Variants in ILDR2 observed in about 807,000 individuals in gnomAD.
ILDR2 encodes the protein immunoglobulin like domain containing receptor 2.
Under a neutral mutation model 66.8 loss-of-function variants are expected in ILDR2, and 25 were observed. The ratio of observed to expected loss-of-function variants is 0.37; its 90% CI spans 0.27 to 0.52. The LOEUF (loss-of-function observed/expected upper bound fraction) is 0.52. Ranked by LOEUF, ILDR2 falls within the 20% of genes least tolerant of loss-of-function variation. The probability of loss-of-function intolerance (pLI) is 0.88; values close to 1 mark genes in which losing one functional copy is unlikely to be tolerated. For missense variants in ILDR2, 827 were observed against 876.8 expected (o/e 0.94, Z 0.72); for synonymous variants, 367 against 357.2 (o/e 1.03, Z -0.31).
rs767247613 is a variant in ILDR2, at chr1:166,921,247, A to G, written c.1344T>C (p.Ser448=). ...GQRPRRADGN[S]HEARGGSRFE... ...AGCGGCTCCCGCCCCGCGCCTCGTG[A>G]CTGTTGCCGTCTGCCCGGCGGGGCC... Residue 448 remains serine (S), a synonymous_variant, in exon 9 of 10, where the codon AGT becomes AGC. Transcript: ENST00000271417. This position sits in a 1 kb window ranked among gnomAD's most constrained non-coding sequence, Gnocchi z 5.3. 1.4e-5 allele frequency: 23 copies of G among 1,598,218 alleles called. No individual in the cohort carries two copies. Among genetic ancestry groups the G allele is most frequent in the Non-Finnish European group, 8.5e-7 (1 of 1,176,410 alleles).
intron 7 of ILDR2, among the ~76,000 whole-genome samples, chr1:166,924,118 G>A (rs902278611): frequency 6.6e-6 from 1 of 152,112 alleles, no homozygotes; most frequent in African/African-American, 2.4e-5. Context: ...CGTTTACCAC[G>A]AATGCCATTC....
rs757595043 is a variant in ILDR2 at position 166,922,716 on chromosome 1, A to C, written c.1088T>G (p.Val363Gly). 1 of 1,614,228 alleles carries C rather than the reference A, an allele frequency of 6.2e-7. No homozygotes were observed. Among genetic ancestry groups the C allele is most frequent in the Admixed American group, 1.7e-5 (1 of 60,028 alleles). The change falls in exon 8 of 10, where the codon GTG becomes GGG. Residue 363 changes from valine to glycine, a missense_variant. Val to Gly is a moderately radical substitution (Grantham distance 109, BLOSUM62 -3). Around this residue, in one of 2 missense-constraint regions of ILDR2, gnomAD observed 437 missense variants for 523.2 expected, o/e 0.84. Coordinates refer to ENST00000271417, the MANE Select transcript of ILDR2 (RefSeq NM_199351.3). ...FHQMRSKQFP[V>G]SGDLESNPDY... ...AGGATTGCTCTCCAAGTCCCCAGAC[A>C]CAGGGAACTGCTTGCTTCTCATCTG...
intron 6 of ILDR2, among the ~76,000 whole-genome samples, chr1:166,929,141 G>A (rs1186443122): frequency 6.6e-6 from 1 of 152,136 alleles, no homozygotes; most frequent in Non-Finnish European, 1.5e-5. Flanking sequence ...TCAAAGAAAT[G>A]GTGACCTATG....
chr1:166,966,255 C>T, intron 1 of ILDR2, among the ~76,000 whole-genome samples: 1 of 152,220 alleles, frequency 6.6e-6, no homozygotes, highest in South Asian at 2.1e-4. Flanking sequence ...TAATCAACTT[C>T]TTTCCAATAA....
In ILDR2 at chr1:166,913,292, A is replaced by C. The variant is rs1557922840; in HGVS notation, c.*6063T>G. The C allele has an allele frequency of 6.6e-6, 1 of 152,222 alleles. No individual in the cohort carries two copies. Among genetic ancestry groups the C allele is most frequent in the Non-Finnish European group, 1.5e-5 (1 of 68,042 alleles). The allele number at this position is 152,222 out of a possible 1,614,324, so 9.4% of individuals were successfully genotyped here. ...ACAGAAAAAAAAAGTCATGGACAAC[A>C]GTAATACAAACATTTCAGTTTTGAT... On this transcript the variant is annotated 3_prime_UTR_variant, in exon 10 of 10. Coordinates refer to ENST00000271417, the MANE Select transcript of ILDR2 (RefSeq NM_199351.3).
chr1:166,966,394 G>A (rs910844131), intron 1 of ILDR2, among the ~76,000 whole-genome samples: 1 of 152,154 alleles, frequency 6.6e-6, no homozygotes, highest in Non-Finnish European at 1.5e-5. Context: ...ACATGATAGT[G>A]TTTTCGTATG....
intron 3 of ILDR2, among the ~76,000 whole-genome samples, chr1:166,945,159 A>G (rs746948964): frequency 2.6e-5 from 4 of 152,212 alleles, no homozygotes; most frequent in Non-Finnish European, 5.9e-5. Flanking sequence ...TATACTGCAC[A>G]ATGTTTAACA....
In ILDR2 at chr1:166,914,031, C is replaced by T. The variant is rs766590391; in HGVS notation, c.*5324G>A. 1 of 151,290 alleles carries T rather than the reference C, an allele frequency of 6.6e-6. No individual in the cohort carries two copies. 9.4% of individuals were successfully genotyped at this position (151,290 alleles called of 1,614,324 possible). On this transcript the variant is annotated 3_prime_UTR_variant, in exon 10 of 10. Transcript: ENST00000271417. ...TTGGGAGGCTGAGGGAGGAGGATTG[C>T]TTGAGCTAGGAGTTTGAGACTGCAG...
In ILDR2 at chr1:166,909,781, T is replaced by G. The variant is rs10800277; in HGVS notation, c.*9574A>C. 3.1e-5 allele frequency: 2 copies of G among 64,244 alleles called. No individual in the cohort carries two copies. Among genetic ancestry groups the G allele is most frequent in the African/African-American group, 1.4e-4 (2 of 14,426 alleles). The allele number at this position is 64,244 out of a possible 1,614,324, so 4.0% of individuals were successfully genotyped here. A position where few individuals can be genotyped will look rare whatever the true frequency, so the allele number is the denominator to read the frequency against. On this transcript the variant is annotated 3_prime_UTR_variant, in exon 10 of 10. Transcript: ENST00000271417. Reference sequence around the variant, plus strand: ...TATAAATATATATAAATATATATATTTATATATATATATATATATATATAT... The same window carrying G: ...TATAAATATATATAAATATATATATGTATATATATATATATATATATATAT...
At chr1:166,955,223 CACTT>C (rs1455555414) in intron 3 of ILDR2, among the ~76,000 whole-genome samples, 2 of 152,194 alleles carry the variant, frequency 1.3e-5, no homozygotes, top group African/African-American at 4.8e-5. Flanking sequence ...TCACAAGTTA[CACTT>C]TATATATTGG....
chr1:166,954,574 T>C (rs1472150431), intron 3 of ILDR2, among the ~76,000 whole-genome samples: 1 of 152,218 alleles, frequency 6.6e-6, no homozygotes, highest in African/African-American at 2.4e-5. Flanking sequence ...CCAAGAGCCC[T>C]AGCATGTCTC....
At chr1:166,897,047 A>G (rs1252079001) in intron 2 of ILDR2, among the ~76,000 whole-genome samples, 1 of 152,184 alleles carries the variant, frequency 6.6e-6, no homozygotes, top group East Asian at 1.9e-4. Context: ...AACCATTGAG[A>G]GTTTTTGTGC....
chr1:166,920,773 G>GC lies in ILDR2; in HGVS notation c.1817dup (p.Gly607ArgfsTer24). 1 of 1,498,164 alleles carries GC rather than the reference G, an allele frequency of 6.7e-7. No individual in the cohort carries two copies. Among genetic ancestry groups the GC allele is most frequent in the Middle Eastern group, 1.7e-4 (1 of 5,752 alleles). 92.8% of individuals were successfully genotyped at this position (1,498,164 alleles called of 1,614,324 possible). A position where few individuals can be genotyped will look rare whatever the true frequency, so the allele number is the denominator to read the frequency against. ...TGCTGTGGTAGGGCAGGTCGCGGCCGCGGTAGGACGGGCCGCGGGTCAGCT... is the reference window on the plus strand; with the variant it reads ...TGCTGTGGTAGGGCAGGTCGCGGCCGCCGGTAGGACGGGCCGCGGGTCAGCT... On this transcript the variant is annotated frameshift_variant, in exon 9 of 10. Transcript: ENST00000271417. LOFTEE classifies it high-confidence loss of function.
chr1:166,971,969 T>C (rs1194712806), intron 1 of ILDR2, among the ~76,000 whole-genome samples: 1 of 152,142 alleles, frequency 6.6e-6, no homozygotes, highest in Non-Finnish European at 1.5e-5. Context: ...CCCAGCACTT[T>C]GGAAGGCCAA....
At chr1:166,923,451 T>C (rs1270592384) in intron 7 of ILDR2, among the ~76,000 whole-genome samples, 3 of 152,240 alleles carry the variant, frequency 2.0e-5, no homozygotes, top group Admixed American at 2.0e-4. Flanking sequence ...TTTAGGAACC[T>C]GGAAGATCCT....
rs1659563217 is a variant in ILDR2 at position 166,914,319 on chromosome 1, G to A, written c.*5036C>T. ...TTCTCACCAGATGTCTGGCTGTGAA[G>A]AGAAACTGGAATCTGGAATACCCAG... On this transcript the variant is annotated 3_prime_UTR_variant, in exon 10 of 10. Transcript: ENST00000271417. The A allele has an allele frequency of 6.6e-6, 1 of 152,094 alleles. No individual in the cohort carries two copies. Among genetic ancestry groups the A allele is most frequent in the Non-Finnish European group, 1.5e-5 (1 of 68,038 alleles). The allele number at this position is 152,094 out of a possible 1,614,324, so 9.4% of individuals were successfully genotyped here. A position where few individuals can be genotyped will look rare whatever the true frequency, so the allele number is the denominator to read the frequency against.
intron 1 of ILDR2, among the ~76,000 whole-genome samples, chr1:166,970,445 G>A (rs1267203812): frequency 6.6e-6 from 1 of 152,138 alleles, no homozygotes; most frequent in African/African-American, 2.4e-5. Context: ...TTTTAATGGG[G>A]AAAATTTCAG....
intron 3 of ILDR2, among the ~76,000 whole-genome samples, chr1:166,942,192 C>A (rs1661350155): frequency 1.3e-5 from 2 of 152,130 alleles, no homozygotes; most frequent in Admixed American, 1.3e-4. Flanking sequence ...TAATAGCACC[C>A]CTTTTTACTC....
chr1:166,921,439 C>T lies in ILDR2; in HGVS notation c.1212-60G>A. The T allele has an allele frequency of 1.4e-6, 2 of 1,393,056 alleles. No individual in the cohort carries two copies. The highest frequency in any genetic ancestry group is 1.9e-6 in the Non-Finnish European group (2 of 1,036,044). The allele number at this position is 1,393,056 out of a possible 1,614,324, so 86.3% of individuals were successfully genotyped here. ...TCCCTCCCTGGAGCTCCAGGTAGGGCTCCCAAGAGCACCCATCGTGTCCTG... is the reference window on the plus strand; with the variant it reads ...TCCCTCCCTGGAGCTCCAGGTAGGGTTCCCAAGAGCACCCATCGTGTCCTG... On this transcript the variant is annotated intron_variant, in intron 8 of 9. Coordinates refer to ENST00000271417, the MANE Select transcript of ILDR2 (RefSeq NM_199351.3). This position sits in a 1 kb window ranked among gnomAD's most constrained non-coding sequence, Gnocchi z 5.3.
Sources: gnomAD v4.1 joint callset for allele counts (sites outside exome capture counted in the v4.1 genomes callset) on GRCh38, gnomAD v4.1.1 for gene constraint, gnomAD v4.1.1 regional missense constraint, Gnocchi (gnomAD v3.1) non-coding constraint, MANE v1.5 for transcripts, NCBI Gene and HGNC (gene_info 2026-07-23, HGNC 2026-07-21) for gene names.